Variants in PTPN13 observed in about 807,000 individuals in gnomAD.
PTPN13 encodes tyrosine-protein phosphatase non-receptor type 13.
Under a neutral mutation model 284.0 loss-of-function variants are expected in PTPN13, and 191 were observed. That is an observed-to-expected ratio of 0.67 (90% CI 0.60 to 0.76). The LOEUF (loss-of-function observed/expected upper bound fraction) is 0.76. Among genes scored for constraint, PTPN13 ranks in the 30% least tolerant of loss-of-function variants. PTPN13 has a pLI of 0.00. For synonymous variants in PTPN13, 986 were observed against 1,022.3 expected (o/e 0.96, Z 0.68); for missense variants, 2,797 against 2,939.9 (o/e 0.95, Z 1.12).
In PTPN13 at chr4:86,767,948, G is replaced by C; in HGVS notation, c.4461G>C (p.Gln1487His). 6.2e-7 allele frequency: 1 copy of C among 1,611,554 alleles called. No individual in the cohort carries two copies. The highest frequency in any genetic ancestry group is 1.3e-5 in the African/African-American group (1 of 74,962). Residue 1487 changes from glutamine (Q) to histidine (H), a missense_variant, in exon 28 of 48, where the codon CAG becomes CAC. Gln to His is a conservative substitution (Grantham distance 24). Coordinates refer to ENST00000411767, the MANE Select transcript of PTPN13 (RefSeq NM_080683.3). ...CAGAAAAAGTGAAGAAAACAACTCAGGTCAAAGACTACAGCTTTGTCACTG... is the reference window on the plus strand; with the variant it reads ...CAGAAAAAGTGAAGAAAACAACTCACGTCAAAGACTACAGCTTTGTCACTG... ...QGPEKVKKTT[Q>H]VKDYSFVTEE... is the part of the protein sequence containing the mutation.
At chr4:86,595,612 C>T (rs1442562946) in intron 1 of PTPN13, 1 of 273,550 alleles carries the variant, frequency 3.7e-6, no homozygotes, top group Non-Finnish European at 5.6e-6. Flanking sequence ...CTAATCTGTT[C>T]GACAGCCTTG....
At chr4:86,658,055 A>G (rs1004088489) in intron 2 of PTPN13, among the ~76,000 whole-genome samples, 4 of 152,064 alleles carry the variant, frequency 2.6e-5, no homozygotes, top group Admixed American at 6.6e-5. Context: ...CTGCCACTCA[A>G]ATTTATTCTG....
intron 1 of PTPN13, among the ~76,000 whole-genome samples, chr4:86,630,862 G>C (rs1220621919): frequency 6.6e-6 from 1 of 152,110 alleles, no homozygotes; most frequent in Non-Finnish European, 1.5e-5. Context: ...TGTACTAGCT[G>C]TGCGTGCCAC....
At chr4:86,602,607 CATGTG>C (rs1393346076) in intron 1 of PTPN13, among the ~76,000 whole-genome samples, 2 of 151,962 alleles carry the variant, frequency 1.3e-5, no homozygotes, top group African/African-American at 4.8e-5. Context: ...CTTGTTGATA[CATGTG>C]ATGTGTGCCA....
chr4:86,759,992 A>G (rs527826595), intron 23 of PTPN13, among the ~76,000 whole-genome samples: 4 of 152,232 alleles, frequency 2.6e-5, no homozygotes, highest in Non-Finnish European at 5.9e-5. Context: ...ACAATTTTAG[A>G]CATAGCTTTG....
chr4:86,797,481 G>T (rs1303012383), intron 41 of PTPN13, among the ~76,000 whole-genome samples: 1 of 151,490 alleles, frequency 6.6e-6, no homozygotes, highest in Non-Finnish European at 1.5e-5. Flanking sequence ...AACAGAGCAA[G>T]ACTCTGTCTC....
At chr4:86,707,282 A>G (rs1279105176) in intron 7 of PTPN13, among the ~76,000 whole-genome samples, 2 of 152,246 alleles carry the variant, frequency 1.3e-5, no homozygotes, top group Admixed American at 6.5e-5. Context: ...GGCTATAGTT[A>G]AGTGTTATTT....
At chr4:86,755,541 G>A (rs1489079366) in intron 20 of PTPN13, among the ~76,000 whole-genome samples, 7 of 151,942 alleles carry the variant, frequency 4.6e-5, no homozygotes, top group Non-Finnish European at 1.0e-4. Flanking sequence ...TCCAAACCAC[G>A]AACTATAGAT....
intron 35 of PTPN13, among the ~76,000 whole-genome samples, chr4:86,776,621 A>T (rs1740677594): frequency 6.6e-6 from 1 of 152,190 alleles, no homozygotes; most frequent in Admixed American, 6.5e-5. Flanking sequence ...ATAAGTCAAA[A>T]CCACATTTAA....
At chr4:86,611,981 G>T (rs1368443055) in intron 1 of PTPN13, among the ~76,000 whole-genome samples, 1 of 152,204 alleles carries the variant, frequency 6.6e-6, no homozygotes, top group Non-Finnish European at 1.5e-5. Flanking sequence ...CACAAACTGG[G>T]CTGCAAATGC....
At chr4:86,633,796 A>G (rs928229677) in intron 1 of PTPN13, among the ~76,000 whole-genome samples, 4 of 152,210 alleles carry the variant, frequency 2.6e-5, no homozygotes, top group African/African-American at 9.6e-5. Flanking sequence ...TGAAGCTTCT[A>G]CTTTTTTCTC....
chr4:86,765,796 A>G (rs1185450514), intron 26 of PTPN13, among the ~76,000 whole-genome samples: 3 of 151,892 alleles, frequency 2.0e-5, no homozygotes, highest in African/African-American at 7.3e-5. Context: ...AAATTGCTGT[A>G]AAAACACTGT....
intron 10 of PTPN13, among the ~76,000 whole-genome samples, chr4:86,725,410 T>C (rs931678412): frequency 6.7e-6 from 1 of 149,534 alleles, no homozygotes. Context: ...TCCACAAAGG[T>C]TGAACTACTT....
chr4:86,799,256 GT>G (rs1430285530), intron 42 of PTPN13, 52 bp downstream of exon 42: 6 of 1,099,966 alleles, frequency 5.5e-6, no homozygotes, highest in African/African-American at 1.7e-5. Context: ...TTGGAAAAAT[GT>G]TTTTAAGTGA....
chr4:86,736,044 TA>T (rs1197488194), intron 15 of PTPN13, among the ~76,000 whole-genome samples: 3 of 152,210 alleles, frequency 2.0e-5, no homozygotes, highest in African/African-American at 4.8e-5. Context: ...AAATACATTA[TA>T]CAGAAGAAAC....
intron 37 of PTPN13, among the ~76,000 whole-genome samples, chr4:86,782,895 T>C (rs1741483314): frequency 1.3e-5 from 2 of 152,168 alleles, no homozygotes; most frequent in African/African-American, 4.8e-5. Context: ...AACATCCCTT[T>C]TTGTGGTTTT....
chr4:86,812,573 G>A (rs995115377), intron 47 of PTPN13, among the ~76,000 whole-genome samples: 1 of 152,172 alleles, frequency 6.6e-6, no homozygotes, highest in Non-Finnish European at 1.5e-5. Context: ...CACCATTGGC[G>A]AAGTAACACT....
chr4:86,611,766 A>T (rs182607570), intron 1 of PTPN13, among the ~76,000 whole-genome samples: 139 of 152,320 alleles, frequency 9.1e-4, no homozygotes, highest in African/African-American at 3.3e-3. Context: ...AGGCAGTTAG[A>T]GTTAACAGGA....
intron 2 of PTPN13, among the ~76,000 whole-genome samples, chr4:86,644,956 C>A (rs1040215515): frequency 4.9e-4 from 75 of 152,234 alleles, no homozygotes; most frequent in Admixed American, 4.9e-3. Context: ...ACCTGTAATC[C>A]CAGCACTTTG....
Sources: gnomAD v4.1 joint callset for allele counts (sites outside exome capture counted in the v4.1 genomes callset) on GRCh38, gnomAD v4.1.1 for gene constraint, MANE v1.5 for transcripts, NCBI Gene and HGNC (gene_info 2026-07-23, HGNC 2026-07-21) for gene names.